CDH13: variants seen among roughly 807,000 people sequenced by gnomAD.
The protein encoded by CDH13 is cadherin 13, also known as cadherin-13.
CDH13 carries 24 observed loss-of-function variants against 63.8 expected under a neutral mutation model. That is an observed-to-expected ratio of 0.38 (90% CI 0.27 to 0.53). The LOEUF is 0.53. Ranked by LOEUF, CDH13 falls within the 20% of genes least tolerant of loss-of-function variation. The pLI is 0.85. For synonymous variants in CDH13, 503 were observed against 355.3 expected (o/e 1.42, Z -4.67); for missense variants, 1,049 against 903.1 (o/e 1.16, Z -2.07).
At chr16:83,198,134 T>C (rs1230209983) in intron 4 of CDH13, among the ~76,000 whole-genome samples, 2 of 152,158 alleles carry the variant, frequency 1.3e-5, no homozygotes, top group African/African-American at 4.8e-5. Flanking sequence ...TTACTTTCTC[T>C]GCCAGGATTT....
intron 8 of CDH13, among the ~76,000 whole-genome samples, chr16:83,622,721 T>C (rs1402002283): frequency 6.6e-6 from 1 of 152,248 alleles, no homozygotes; most frequent in Non-Finnish European, 1.5e-5. Flanking sequence ...ACATTTATGA[T>C]AGTCGTTACT....
chr16:83,432,924 G>T (rs764632453), intron 6 of CDH13, among the ~76,000 whole-genome samples: 2 of 152,174 alleles, frequency 1.3e-5, no homozygotes, highest in Non-Finnish European at 1.5e-5. Flanking sequence ...TCTTCTTCAT[G>T]GTTAGGGTTG....
chr16:83,464,015 AG>A (rs2073245976), intron 6 of CDH13, among the ~76,000 whole-genome samples: 1 of 152,158 alleles, frequency 6.6e-6, no homozygotes, highest in African/African-American at 2.4e-5. Flanking sequence ...AGGGTGAGAA[AG>A]AAACATCAGC....
At chr16:83,401,095 C>T (rs983942663) in intron 6 of CDH13, among the ~76,000 whole-genome samples, 4 of 152,174 alleles carry the variant, frequency 2.6e-5, no homozygotes, top group African/African-American at 4.8e-5. Context: ...AATCCCAGCA[C>T]TTTGGGAAGC....
chr16:83,795,274 C>T lies in CDH13; in HGVS notation c.*244C>T, dbSNP rs1904276075. ...TTCCCTGAATGTTTAAAGATCATGA[C>T]ATATGACTTGATCTTCTGGGAGCAG... On this transcript the variant is annotated 3_prime_UTR_variant, in exon 14 of 14. Transcript: ENST00000567109. The T allele has an allele frequency of 2.0e-6, 1 of 511,712 alleles. No homozygotes were observed. The highest frequency in any genetic ancestry group is 3.5e-6 in the Non-Finnish European group (1 of 286,296). The allele number at this position is 511,712 out of a possible 1,614,324, so 31.7% of individuals were successfully genotyped here.
At chr16:83,068,831 G>A (rs555053849) in intron 3 of CDH13, among the ~76,000 whole-genome samples, 8 of 152,210 alleles carry the variant, frequency 5.3e-5, no homozygotes, top group East Asian at 3.9e-4. Context: ...TGCCTTAACC[G>A]TTCCCTGCCC....
At chr16:83,518,920 C>A (rs889425052) in intron 7 of CDH13, among the ~76,000 whole-genome samples, 1 of 152,158 alleles carries the variant, frequency 6.6e-6, no homozygotes, top group African/African-American at 2.4e-5. Flanking sequence ...AATTAAACTT[C>A]TTTTCTTTAT....
chr16:83,381,612 C>A (rs184632010), intron 6 of CDH13, among the ~76,000 whole-genome samples: 180 of 152,120 alleles, frequency 1.2e-3, no homozygotes, highest in African/African-American at 4.1e-3. Context: ...CCCATATCAC[C>A]TCTATAATTC....
At chr16:82,809,618 A>G (rs2037339816) in intron 1 of CDH13, among the ~76,000 whole-genome samples, 1 of 152,158 alleles carries the variant, frequency 6.6e-6, no homozygotes, top group Admixed American at 6.5e-5. Context: ...CCCTTGATTT[A>G]TGTACGTACT....
chr16:82,967,088 G>A (rs1160766136), intron 2 of CDH13, among the ~76,000 whole-genome samples: 1 of 152,126 alleles, frequency 6.6e-6, no homozygotes, highest in African/African-American at 2.4e-5. Flanking sequence ...TGACATAGTT[G>A]AAGATTATAG....
chr16:83,003,867 T>C (rs184276685), intron 2 of CDH13, among the ~76,000 whole-genome samples: 19 of 152,232 alleles, frequency 1.2e-4, no homozygotes, highest in African/African-American at 4.3e-4. Flanking sequence ...AGCTTACATA[T>C]CTATGATGCC....
chr16:83,148,577 C>A (rs1246218025), intron 4 of CDH13, among the ~76,000 whole-genome samples: 2 of 152,170 alleles, frequency 1.3e-5, no homozygotes, highest in Non-Finnish European at 2.9e-5. Context: ...TAGTGCCTGC[C>A]TCATAGGATT....
chr16:83,441,822 G>A (rs8057221), intron 6 of CDH13, among the ~76,000 whole-genome samples: 24,083 of 152,146 alleles, frequency 0.16, 2,428 homozygotes, highest in East Asian at 0.38. Context: ...TACTCCAAAA[G>A]GAAATGTTTC....
intron 5 of CDH13, among the ~76,000 whole-genome samples, chr16:83,244,336 C>G (rs866635607): frequency 5.9e-5 from 9 of 152,162 alleles, no homozygotes; most frequent in South Asian, 4.1e-4. Flanking sequence ...GTGTGTGAAG[C>G]AGTATACATA....
At chr16:82,945,538 T>C (rs1320362444) in intron 2 of CDH13, among the ~76,000 whole-genome samples, 1 of 152,150 alleles carries the variant, frequency 6.6e-6, no homozygotes, top group Non-Finnish European at 1.5e-5. Context: ...TAACAAAATA[T>C]CTTCTTAGGG....
chr16:82,677,104 G>C lies in CDH13; in HGVS notation c.45+49967G>C, dbSNP rs1914015943. Among the ~76,000 whole-genome samples the C allele has an allele frequency of 2.6e-5, 4 of 152,166 alleles. No individual in the cohort carries two copies. In the South Asian group the frequency reaches 6.2e-4, roughly 24 times the overall value. On this transcript the variant is annotated intron_variant, in intron 1 of 13. Coordinates refer to ENST00000567109, the MANE Select transcript of CDH13 (RefSeq NM_001257.5). Reference sequence around the variant, plus strand: ...TCGCCATGTTGGCCAGGATGATCTTGATCTCTTGACCTCATGATCCACCCT... The same window carrying C: ...TCGCCATGTTGGCCAGGATGATCTTCATCTCTTGACCTCATGATCCACCCT...
chr16:83,093,687 T>C lies in CDH13; in HGVS notation c.367-31698T>C, dbSNP rs893417679. On this transcript the variant is annotated intron_variant, in intron 3 of 13. Coordinates refer to ENST00000567109, the MANE Select transcript of CDH13 (RefSeq NM_001257.5). ...GGGAATCAGTTCAAAGCACATAGTC[T>C]CTTCCATGCACATCTTCATGCCGGA... 2.0e-5 allele frequency among the ~76,000 whole-genome samples: 3 copies of C among 152,186 alleles called. No individual in the cohort carries two copies. The South Asian group carries it at 6.2e-4, about 32-fold the overall frequency.
At chr16:83,309,646 A>G (rs1199610301) in intron 5 of CDH13, among the ~76,000 whole-genome samples, 1 of 152,216 alleles carries the variant, frequency 6.6e-6, no homozygotes, top group African/African-American at 2.4e-5. Context: ...AAGTGCTGGG[A>G]TTACAGGCGT....
At chr16:83,792,992 C>T (rs1055214317) in intron 13 of CDH13, among the ~76,000 whole-genome samples, 1 of 152,138 alleles carries the variant, frequency 6.6e-6, no homozygotes, top group African/African-American at 2.4e-5. Flanking sequence ...GGCAGCCTGT[C>T]TTCAGTGGGC....
Sources: allele counts gnomAD v4.1 joint callset (sites outside exome capture counted in the v4.1 genomes callset), GRCh38; gene constraint gnomAD v4.1.1; transcripts MANE v1.5; gene names NCBI Gene and HGNC (gene_info 2026-07-23, HGNC 2026-07-21).